RNF123: variants seen among roughly 807,000 people sequenced by gnomAD.
RNF123 encodes ring finger protein 123.
A neutral mutation model predicts 168.5 loss-of-function variants in RNF123; 86 were observed. That is an observed-to-expected ratio of 0.51 (90% CI 0.43 to 0.61). RNF123 has a LOEUF of 0.61. Among genes scored for constraint, RNF123 ranks in the 20% least tolerant of loss-of-function variants. The probability of loss-of-function intolerance (pLI) is 0.00; values close to 1 mark genes in which losing one functional copy is unlikely to be tolerated. For synonymous variants in RNF123, 666 were observed against 689.1 expected, an observed-to-expected ratio of 0.97 and a Z score of 0.52; for missense variants, 1,419 against 1,729.7, an observed-to-expected ratio of 0.82 and a Z score of 3.19.
chr3:49,702,533 C>T, intron 19 of RNF123, 100 bp from the exon 20 acceptor site: 4 of 1,607,418 alleles, frequency 2.5e-6, no homozygotes, highest in Non-Finnish European at 3.4e-6. Flanking sequence ...GCTGCTTTTC[C>T]CTCCCTGCTT....
At chr3:49,696,022 G>A (rs2054260858) in intron 3 of RNF123, among the ~76,000 whole-genome samples, 1 of 152,096 alleles carries the variant, frequency 6.6e-6, no homozygotes, top group African/African-American at 2.4e-5. Flanking sequence ...GCAGCTCAGA[G>A]GGCTGAGCCT....
Position 49,716,459 on chromosome 3 carries a change from T to G in RNF123, c.3482T>G (p.Val1161Gly). 6.2e-7 allele frequency: 1 copy of G among 1,614,004 alleles called. No homozygotes were observed. Among genetic ancestry groups the G allele is most frequent in the East Asian group, 2.2e-5 (1 of 44,882 alleles). Reference sequence around the variant, plus strand: ...ACGGGCATCCTGGTGCAGCTCCTGGTGCGTGGCCCAGCCTCAGAGTGAGTG... The same window carrying G: ...ACGGGCATCCTGGTGCAGCTCCTGGGGCGTGGCCCAGCCTCAGAGTGAGTG... The part of the protein sequence containing the change: ...AVTGILVQLL[V>G]RGPASEREQA... Residue 1161 changes from valine to glycine, a missense_variant, in exon 35 of 39, where the codon GTG becomes GGG. Around this residue, in one of 5 missense-constraint regions of RNF123, gnomAD observed 164 missense variants for 152.3 expected, o/e 1.08. Transcript: ENST00000327697.
chr3:49,715,121 C>A (rs1355712210), intron 31 of RNF123, among the ~76,000 whole-genome samples: 1 of 152,264 alleles, frequency 6.6e-6, no homozygotes, highest in Non-Finnish European at 1.5e-5. Context: ...CGGCCATATG[C>A]CAAGGCCAGG....
Position 49,699,666 on chromosome 3 carries a change from A to T in RNF123, c.880-2A>T. 2 of 1,613,238 alleles carry T rather than the reference A, an allele frequency of 1.2e-6. No individual in the cohort carries two copies. The highest frequency in any genetic ancestry group is 1.7e-6 in the Non-Finnish European group (2 of 1,179,498). Reference sequence around the variant, plus strand: ...ACTTCTCCCTCCTCCCCCTCCACACAGGAGGGGCGGCTGTTGGACAAGGAG... The same window carrying T: ...ACTTCTCCCTCCTCCCCCTCCACACTGGAGGGGCGGCTGTTGGACAAGGAG... On this transcript the variant is annotated splice_acceptor_variant, in intron 11 of 38. Transcript: ENST00000327697. LOFTEE classifies it high-confidence loss of function. The surrounding 1 kb of genome is among the most constrained non-coding windows in gnomAD (Gnocchi z 4.8).
At position 49,720,741 on chromosome 3, in the gene RNF123, A is replaced by G; in HGVS notation, c.3644-59A>G. 1.9e-6 allele frequency: 3 copies of G among 1,612,500 alleles called. No homozygotes were observed. The South Asian group carries it at 3.3e-5, about 18-fold the overall frequency. On this transcript the variant is annotated intron_variant, in intron 36 of 38. Coordinates refer to ENST00000327697, the MANE Select transcript of RNF123 (RefSeq NM_022064.5). ...AACAGCAAAGTCCTAGGCTGGGAAT[A>G]TTCAAGAGGCATCACATCCTCAGCT...
In RNF123 at chr3:49,699,782, A is replaced by C; in HGVS notation, c.984+10A>C. The C allele has an allele frequency of 6.2e-7, 1 of 1,611,864 alleles. No individual in the cohort carries two copies. Among genetic ancestry groups the C allele is most frequent in the Non-Finnish European group, 8.5e-7 (1 of 1,179,046 alleles). Reference sequence around the variant, plus strand: ...CTTTGCACCGCTTCTGGTGAGCGGCATTGGGAGGGGCATGGGAGGGGAGGA... The same window carrying C: ...CTTTGCACCGCTTCTGGTGAGCGGCCTTGGGAGGGGCATGGGAGGGGAGGA... On this transcript the variant is annotated intron_variant, in intron 12 of 38. Coordinates refer to ENST00000327697, the MANE Select transcript of RNF123 (RefSeq NM_022064.5). This position sits in a 1 kb window ranked among gnomAD's most constrained non-coding sequence, Gnocchi z 4.8.
intron 3 of RNF123, among the ~76,000 whole-genome samples, chr3:49,695,876 T>C (rs1379357943): frequency 6.6e-6 from 1 of 152,166 alleles, no homozygotes; most frequent in African/African-American, 2.4e-5. Flanking sequence ...CAGTACCCTT[T>C]TCCCTCTAGG....
chr3:49,700,732 C>A, intron 15 of RNF123, 23 bp downstream of exon 15: 1 of 1,613,054 alleles, frequency 6.2e-7, no homozygotes, highest in Non-Finnish European at 8.5e-7. Flanking sequence ...TGCTGCCTGG[C>A]AGGCCAGACA....
At chr3:49,695,047 T>C (rs1444793705) in intron 3 of RNF123, among the ~76,000 whole-genome samples, 1 of 152,254 alleles carries the variant, frequency 6.6e-6, no homozygotes, top group Non-Finnish European at 1.5e-5. Context: ...CCCACAGATA[T>C]GTGCAGTCTG....
chr3:49,706,100 G>C, intron 25 of RNF123, 35 bp downstream of exon 25: 1 of 1,580,524 alleles, frequency 6.3e-7, no homozygotes, highest in Non-Finnish European at 8.7e-7. Context: ...GGGGCAGCTT[G>C]CTTACTCGTA....
At chr3:49,718,575 C>T in intron 35 of RNF123, 1 of 1,613,110 alleles carries the variant, frequency 6.2e-7, no homozygotes, top group Non-Finnish European at 8.5e-7. Flanking sequence ...TGCAGTAAAG[C>T]CTCAGGGACC....
At chr3:49,706,625 T>A (rs1429719656) in intron 25 of RNF123, among the ~76,000 whole-genome samples, 166 bp from the exon 26 acceptor site, 3 of 152,218 alleles carry the variant, frequency 2.0e-5, no homozygotes, top group Non-Finnish European at 4.4e-5. Context: ...TGAGGCTGGC[T>A]CAGGGTCACC....
intron 26 of RNF123, among the ~76,000 whole-genome samples, chr3:49,709,425 C>G (rs1283174049): frequency 6.6e-6 from 1 of 151,912 alleles, no homozygotes; most frequent in African/African-American, 2.4e-5. Context: ...CTCAGCCTCC[C>G]GAGTAGCTGG....
chr3:49,717,939 G>C (rs540461871), intron 35 of RNF123: 2 of 1,606,182 alleles, frequency 1.2e-6, no homozygotes, highest in East Asian at 2.2e-5. Context: ...GGGTGGGGGA[G>C]CCCTGGGCAG....
chr3:49,711,564 C>T (rs2080145686), intron 26 of RNF123, among the ~76,000 whole-genome samples: 1 of 152,072 alleles, frequency 6.6e-6, no homozygotes, highest in Non-Finnish European at 1.5e-5. Context: ...GCGCCTAGGC[C>T]CTCCCCTAAC....
In RNF123 at chr3:49,699,404, G is replaced by T. The variant is rs2054330629; in HGVS notation, c.765-64G>T. 1 of 1,365,432 alleles carries T rather than the reference G, an allele frequency of 7.3e-7. No individual in the cohort carries two copies. The highest frequency in any genetic ancestry group is 1.0e-6 in the Non-Finnish European group (1 of 981,348). The allele number at this position is 1,365,432 out of a possible 1,614,324, so 84.6% of individuals were successfully genotyped here. A position where few individuals can be genotyped will look rare whatever the true frequency, so the allele number is the denominator to read the frequency against. On this transcript the variant is annotated intron_variant, in intron 10 of 38. Transcript: ENST00000327697. This position sits in a 1 kb window ranked among gnomAD's most constrained non-coding sequence, Gnocchi z 4.8. Reference sequence around the variant, plus strand: ...GCCCAGGCCCCGGGGTGGGGGGTGGGCAGTGGAGAGGGAGTAGGCATGTCT... The same window carrying T: ...GCCCAGGCCCCGGGGTGGGGGGTGGTCAGTGGAGAGGGAGTAGGCATGTCT...
rs2054452840 is a variant in RNF123, at chr3:49,703,568, A to G, written c.1852+40A>G. 6 of 1,542,274 alleles carry G rather than the reference A, an allele frequency of 3.9e-6. No individual in the cohort carries two copies. In the East Asian group the frequency reaches 1.4e-4, roughly 35 times the overall value. On this transcript the variant is annotated intron_variant, in intron 21 of 38. Coordinates refer to ENST00000327697, the MANE Select transcript of RNF123 (RefSeq NM_022064.5). ...GTGGGCCGGGAGCAGTTCTGGGGCC[A>G]GGTGGGGGACTGTCCCTGAGCCTGC...
rs968999527 is a variant in RNF123 at position 49,716,060 on chromosome 3, T to C, written c.3340-42T>C. On this transcript the variant is annotated intron_variant, in intron 33 of 38. Coordinates refer to ENST00000327697, the MANE Select transcript of RNF123 (RefSeq NM_022064.5). ...TGGGACCCTGGGGATGCCCCATTGA[T>C]GACGCTCCCCATCCACCAATGGACT... 10 of 1,613,550 alleles carry C rather than the reference T, an allele frequency of 6.2e-6. No homozygotes were observed. In the Middle Eastern group the frequency reaches 5.0e-4, roughly 80 times the overall value.
At position 49,698,443 on chromosome 3, in the gene RNF123, G is replaced by T. The variant is rs952100793; in HGVS notation, c.487G>T (p.Gly163Trp). 6.2e-7 allele frequency: 1 copy of T among 1,613,680 alleles called. No individual in the cohort carries two copies. The highest frequency in any genetic ancestry group is 1.1e-5 in the South Asian group (1 of 91,064). The part of the protein sequence containing the change: ...TISCRFNQEE[G>W]VGDTHNSYAY... Reference sequence around the variant, plus strand: ...CTCATAGGCATTTCCTCCCTAGGAGGGGGTTGGAGATACACACAACTCCTA... The same window carrying T: ...CTCATAGGCATTTCCTCCCTAGGAGTGGGTTGGAGATACACACAACTCCTA... Residue 163 changes from glycine (G) to tryptophan (W), a missense_variant, in exon 8 of 39, where the codon GGG becomes TGG. Gly to Trp is a radical substitution (Grantham distance 184, BLOSUM62 -2). Transcript: ENST00000327697.
Sources: allele counts gnomAD v4.1 joint callset (sites outside exome capture counted in the v4.1 genomes callset), GRCh38; gene constraint gnomAD v4.1.1; regional missense constraint gnomAD v4.1.1; non-coding constraint Gnocchi (gnomAD v3.1); transcripts MANE v1.5; gene names NCBI Gene and HGNC (gene_info 2026-07-23, HGNC 2026-07-21).